Variants in TVP23C observed in about 807,000 individuals in gnomAD.
TVP23C encodes Golgi apparatus membrane protein TVP23 homolog C.
In TVP23C, 19 loss-of-function variants were observed where a neutral mutation model predicts 28.7. The ratio of observed to expected loss-of-function variants is 0.66; its 90% CI spans 0.46 to 0.97. The LOEUF (loss-of-function observed/expected upper bound fraction) is 0.97. Among genes scored for constraint, TVP23C ranks in the 50% least tolerant of loss-of-function variants. The pLI, the probability that TVP23C is intolerant of heterozygous loss-of-function variation, is 0.00. For synonymous variants in TVP23C, 68 were observed against 81.7 expected, an observed-to-expected ratio of 0.83 and a Z score of 0.90; for missense variants, 186 against 241.3, an observed-to-expected ratio of 0.77 and a Z score of 1.52.
intron 5 of TVP23C, chr17:15,507,473 T>A (rs955703455): frequency 4.6e-6 from 2 of 432,140 alleles, no homozygotes; most frequent in Non-Finnish European, 8.5e-6. Context: ...GCAGTTCCCT[T>A]TGGGTTCCAT....
intron 2 of TVP23C, among the ~76,000 whole-genome samples, chr17:15,554,645 A>T (rs1040246655): frequency 6.6e-6 from 1 of 152,190 alleles, no homozygotes; most frequent in Non-Finnish European, 1.5e-5. Flanking sequence ...AGATTTGTAC[A>T]ACCATCACTC....
chr17:15,514,528 AAAAC>A (rs1982140525), intron 5 of TVP23C, among the ~76,000 whole-genome samples: 1 of 152,214 alleles, frequency 6.6e-6, no homozygotes, highest in Non-Finnish European at 1.5e-5. Flanking sequence ...TATGTGACAG[AAAAC>A]AAACAGCATG....
At chr17:15,522,262 A>G (rs1447185946) in intron 5 of TVP23C, among the ~76,000 whole-genome samples, 3 of 152,380 alleles carry the variant, frequency 2.0e-5, no homozygotes. Context: ...AAGGAAATTC[A>G]CAAATATGAA....
chr17:15,560,113 G>A (rs11870330), intron 1 of TVP23C, among the ~76,000 whole-genome samples: 70,040 of 148,752 alleles, frequency 0.47, 22,149 homozygotes, highest in Non-Finnish European at 0.64. Flanking sequence ...AGGCTGGAGT[G>A]CAATGGTGTG....
At position 15,538,919 on chromosome 17, in the gene TVP23C, T is replaced by G. The variant is rs1482743661; in HGVS notation, c.*1493A>C. On this transcript the variant is annotated 3_prime_UTR_variant, in exon 6 of 6. Transcript: ENST00000518321. ...GATGATCATGTCCCTACATGAATAT[T>G]CATTTTCTCTACTTTTCATCTTCTG... 1.9e-5 allele frequency: 19 copies of G among 985,736 alleles called. No individual in the cohort carries two copies. Among genetic ancestry groups the G allele is most frequent in the Non-Finnish European group, 2.2e-5 (18 of 829,924 alleles). The allele number at this position is 985,736 out of a possible 1,614,324, so 61.1% of individuals were successfully genotyped here. A position where few individuals can be genotyped will look rare whatever the true frequency, so the allele number is the denominator to read the frequency against.
At chr17:15,531,378 C>T (rs1982944333) in intron 5 of TVP23C, among the ~76,000 whole-genome samples, 1 of 152,196 alleles carries the variant, frequency 6.6e-6, no homozygotes, top group South Asian at 2.1e-4. Context: ...ATTATTTCCT[C>T]AAATATTATT....
intron 5 of TVP23C, chr17:15,507,005 GT>G: frequency 7.7e-7 from 1 of 1,302,464 alleles, no homozygotes; most frequent in Non-Finnish European, 1.1e-6. Context: ...AAAGGATTTG[GT>G]TATAAGGGTT....
intron 1 of TVP23C, chr17:15,563,124 C>G: frequency 4.5e-6 from 2 of 441,076 alleles, no homozygotes; most frequent in Non-Finnish European, 8.1e-6. Flanking sequence ...GGCCCGCAGG[C>G]CGCTCCTCCT....
chr17:15,506,884 T>G lies in TVP23C; in HGVS notation c.463-3652A>C, dbSNP rs576975253. ...ATCAGCCGTGGTCAACCCCACCATGTTCTTCAACATCGCCATCAACGGGGA... is the reference window on the plus strand; with the variant it reads ...ATCAGCCGTGGTCAACCCCACCATGGTCTTCAACATCGCCATCAACGGGGA... On this transcript the variant is annotated intron_variant, in intron 5 of 5. Coordinates refer to the TVP23C transcript ENST00000225576. 1.5e-4 allele frequency: 124 copies of G among 820,126 alleles called. 1 individual carries two copies. The East Asian group carries it at 4.1e-3, about 27-fold the overall frequency. 50.8% of individuals were successfully genotyped at this position (820,126 alleles called of 1,614,324 possible).
chr17:15,540,589 G>A (rs542153462), intron 5 of TVP23C, 28 bp from the exon 6 acceptor site: 40 of 1,609,998 alleles, frequency 2.5e-5, no homozygotes, highest in South Asian at 1.9e-4. Flanking sequence ...AATAATCAAC[G>A]GTTACTGGCC....
intron 3 of TVP23C, 148 bp from the exon 4 acceptor site, chr17:15,547,296 G>C: frequency 6.8e-7 from 1 of 1,479,082 alleles, no homozygotes; most frequent in Non-Finnish European, 9.1e-7. Context: ...TATGTATCAG[G>C]CCTGGCTAAA....
intron 5 of TVP23C, among the ~76,000 whole-genome samples, chr17:15,519,436 C>G (rs1312789844): frequency 1.3e-5 from 2 of 151,848 alleles, no homozygotes; most frequent in Non-Finnish European, 2.9e-5. Context: ...CATGCCACTG[C>G]ATTCCAGCCC....
intron 1 of TVP23C, among the ~76,000 whole-genome samples, chr17:15,558,798 C>T (rs1362905238): frequency 2.7e-5 from 4 of 148,586 alleles, no homozygotes; most frequent in African/African-American, 9.7e-5. Flanking sequence ...TACAACAGTA[C>T]ATATGACTTC....
chr17:15,505,226 T>C (rs1178006374), intron 5 of TVP23C, among the ~76,000 whole-genome samples: 1 of 152,208 alleles, frequency 6.6e-6, no homozygotes, highest in Admixed American at 6.5e-5. Context: ...TGTCAGTGTT[T>C]AGAAAATATC....
intron 1 of TVP23C, chr17:15,562,808 C>A (rs547140899): frequency 1.3e-5 from 2 of 152,416 alleles, no homozygotes; most frequent in African/African-American, 4.8e-5. Context: ...GTACTGGTCA[C>A]AACCCTATCC....
intron 5 of TVP23C, among the ~76,000 whole-genome samples, chr17:15,531,709 G>A (rs1597522935): frequency 6.6e-6 from 1 of 152,130 alleles, no homozygotes. Context: ...CATATTTAAA[G>A]GTTGACAAAC....
At chr17:15,549,781 G>C (rs985010078) in intron 3 of TVP23C, among the ~76,000 whole-genome samples, 6 of 152,084 alleles carry the variant, frequency 3.9e-5, no homozygotes, top group Non-Finnish European at 5.9e-5. Flanking sequence ...CCTGAATGGA[G>C]ATACAGATCT....
chr17:15,516,203 C>T (rs1234626461), intron 5 of TVP23C, among the ~76,000 whole-genome samples: 1 of 152,228 alleles, frequency 6.6e-6, no homozygotes, highest in Non-Finnish European at 1.5e-5. Flanking sequence ...CTAATACACA[C>T]AGCGAGGCCA....
At chr17:15,503,219 T>G (rs1355176727) in exon 6 of TVP23C, 1 of 1,523,396 alleles carries the variant, frequency 6.6e-7, no homozygotes, top group East Asian at 2.4e-5. Flanking sequence ...CTGGGCAATG[T>G]GGCGAGACCG....
Sources: gnomAD v4.1 joint callset for allele counts (sites outside exome capture counted in the v4.1 genomes callset) on GRCh38, gnomAD v4.1.1 for gene constraint, MANE v1.5 for transcripts, NCBI Gene and HGNC (gene_info 2026-07-23, HGNC 2026-07-21) for gene names.